The following CPEB3 variants were observed in gnomAD, a reference collection of about 807,000 sequenced individuals.
The protein encoded by CPEB3 is cytoplasmic polyadenylation element binding protein 3, also known as cytoplasmic polyadenylation element-binding protein 3.
In CPEB3, 20 loss-of-function variants were observed where a neutral mutation model predicts 67.2. The observed-to-expected ratio is 0.30, with a 90% CI of 0.21 to 0.43. The LOEUF is 0.43. Among genes scored for constraint, CPEB3 ranks in the 20% least tolerant of loss-of-function variants. CPEB3 has a pLI of 1.00. For missense variants in CPEB3, 746 were observed against 968.6 expected, an observed-to-expected ratio of 0.77 and a Z score of 3.05; for synonymous variants, 376 against 393.1, an observed-to-expected ratio of 0.96 and a Z score of 0.51.
intron 6 of CPEB3, among the ~76,000 whole-genome samples, chr10:92,120,836 G>T (rs1375588185): frequency 6.6e-6 from 1 of 151,908 alleles, no homozygotes; most frequent in Non-Finnish European, 1.5e-5. Context: ...AAGTAGCTGG[G>T]ATTACAGGCA....
intron 6 of CPEB3, among the ~76,000 whole-genome samples, chr10:92,140,397 T>C (rs1167424204): frequency 6.6e-6 from 1 of 152,168 alleles, no homozygotes; most frequent in Non-Finnish European, 1.5e-5. Context: ...CCCTATTTAA[T>C]AAATGGTGCT....
chr10:92,276,749 T>C (rs1842007093), intron 1 of CPEB3, among the ~76,000 whole-genome samples: 1 of 152,238 alleles, frequency 6.6e-6, no homozygotes, highest in Non-Finnish European at 1.5e-5. Flanking sequence ...GTTTAACATT[T>C]TGAGAAAATG....
intron 7 of CPEB3, among the ~76,000 whole-genome samples, chr10:92,105,638 T>A (rs1250456553): frequency 6.6e-6 from 1 of 152,270 alleles, no homozygotes. Context: ...TTTATCTTTG[T>A]TACTTTGGCA....
Position 92,048,381 on chromosome 10 carries a change from T to TCA in CPEB3, c.*3830_*3831insTG, listed in dbSNP as rs762713507. On this transcript the variant is annotated 3_prime_UTR_variant, in exon 10 of 10. Coordinates refer to ENST00000265997, the MANE Select transcript of CPEB3 (RefSeq NM_014912.5). The surrounding 1 kb of genome is among the most constrained non-coding windows in gnomAD (Gnocchi z 4.1). ...CAGTTTTTCTCTCTCTCTCTCTCTCTCTCTCTCACACACACACACACACAC... is the reference window on the plus strand; with the variant it reads ...CAGTTTTTCTCTCTCTCTCTCTCTCTCACTCTCTCACACACACACACACACAC... The TCA allele has an allele frequency of 5.7e-3, 103 of 18,102 alleles. No individual in the cohort carries two copies. Among genetic ancestry groups the TCA allele is most frequent in the East Asian group, 0.021 (14 of 668 alleles). The allele number at this position is 18,102 out of a possible 1,614,324, so 1.1% of individuals were successfully genotyped here.
At chr10:92,288,741 A>G (rs1412472507) in intron 1 of CPEB3, among the ~76,000 whole-genome samples, 1 of 152,206 alleles carries the variant, frequency 6.6e-6, no homozygotes, top group East Asian at 1.9e-4. Flanking sequence ...CATATTTTCC[A>G]ATTTCAGTTG....
chr10:92,138,906 T>G (rs1349767331), intron 6 of CPEB3, among the ~76,000 whole-genome samples: 1 of 152,240 alleles, frequency 6.6e-6, no homozygotes, highest in Admixed American at 6.5e-5. Context: ...ACTCCCATGT[T>G]TGTTGCAGCA....
At chr10:92,276,020 T>C (rs2135029279) in intron 1 of CPEB3, among the ~76,000 whole-genome samples, 1 of 151,584 alleles carries the variant, frequency 6.6e-6, no homozygotes, top group Admixed American at 6.6e-5. Flanking sequence ...GCCTAATTTT[T>C]TGTATTTTTA....
At chr10:92,199,995 C>T (rs1222475177) in intron 2 of CPEB3, among the ~76,000 whole-genome samples, 1 of 152,036 alleles carries the variant, frequency 6.6e-6, no homozygotes, top group East Asian at 1.9e-4. Context: ...ATATTTTACC[C>T]ATCCCAAATG....
chr10:92,232,653 G>A (rs1435496327), intron 2 of CPEB3, among the ~76,000 whole-genome samples: 3 of 151,716 alleles, frequency 2.0e-5, no homozygotes, highest in Middle Eastern at 3.2e-3. Context: ...AGCTACTCGG[G>A]AAGCTGAGGC....
intron 1 of CPEB3, among the ~76,000 whole-genome samples, chr10:92,260,465 C>T (rs1450801115): frequency 6.7e-6 from 1 of 150,264 alleles, no homozygotes; most frequent in Non-Finnish European, 1.5e-5. Flanking sequence ...ACAGGAGAAT[C>T]ACTTGAACCC....
At chr10:92,212,257 GCAACAAGACAGTGGTA>G (rs1253426729) in intron 2 of CPEB3, among the ~76,000 whole-genome samples, 1 of 149,276 alleles carries the variant, frequency 6.7e-6, no homozygotes, top group Non-Finnish European at 1.5e-5. Context: ...TGTTGCCCAG[GCAACAAGACAGTGGTA>G]CAACAAGACA....
chr10:92,160,135 T>C (rs1473820569), intron 4 of CPEB3, among the ~76,000 whole-genome samples: 1 of 152,042 alleles, frequency 6.6e-6, no homozygotes, highest in African/African-American at 2.4e-5. Flanking sequence ...TTAGTAGAGA[T>C]GGAGTTTTGC....
In CPEB3 at chr10:92,239,020, G is replaced by A. The variant is rs1851678323; in HGVS notation, c.1005+326C>T. Among the ~76,000 whole-genome samples, 1 of 152,222 alleles carries A rather than the reference G, an allele frequency of 6.6e-6. No homozygotes were observed. Among genetic ancestry groups the A allele is most frequent in the Middle Eastern group, 3.4e-3 (1 of 294 alleles). On this transcript the variant is annotated intron_variant, in intron 2 of 9. Coordinates refer to ENST00000265997, the MANE Select transcript of CPEB3 (RefSeq NM_014912.5). The surrounding 1 kb of genome is among the most constrained non-coding windows in gnomAD (Gnocchi z 6.0). ...GCCTACTCATCCTGGGACTATGCCG[G>A]CACCTTGCCACACACTTGCAGCTTT...
At chr10:92,182,624 G>C (rs773859751) in intron 3 of CPEB3, among the ~76,000 whole-genome samples, 80 of 152,216 alleles carry the variant, frequency 5.3e-4, no homozygotes, top group Admixed American at 1.1e-3. Flanking sequence ...TCATGAGTTA[G>C]AGACCAGCCT....
At chr10:92,137,489 C>T in intron 6 of CPEB3, 1 of 1,097,880 alleles carries the variant, frequency 9.1e-7, no homozygotes, top group South Asian at 1.4e-5. Flanking sequence ...GTTTTGCTAT[C>T]AGCCACAAGG....
At chr10:92,266,755 T>C (rs1188718344) in intron 1 of CPEB3, among the ~76,000 whole-genome samples, 1 of 152,096 alleles carries the variant, frequency 6.6e-6, no homozygotes, top group Non-Finnish European at 1.5e-5. Flanking sequence ...TGGTCATGGC[T>C]GGGCACGGTG....
intron 6 of CPEB3, among the ~76,000 whole-genome samples, chr10:92,123,027 T>C (rs551168593): frequency 1.8e-4 from 27 of 152,176 alleles, no homozygotes; most frequent in Non-Finnish European, 3.2e-4. Flanking sequence ...CCAACTTTCT[T>C]TGTGGGTTGG....
At chr10:92,216,594 T>C (rs1002205765) in intron 2 of CPEB3, 2 of 1,610,526 alleles carry the variant, frequency 1.2e-6, no homozygotes, top group South Asian at 1.1e-5. Context: ...ACACTGCCCA[T>C]TGAGGTATAC....
chr10:92,102,528 A>C (rs1409874066), intron 7 of CPEB3, among the ~76,000 whole-genome samples: 1 of 152,208 alleles, frequency 6.6e-6, no homozygotes, highest in Non-Finnish European at 1.5e-5. Context: ...TATCTGATGC[A>C]AGGAAGCTAC....
Sources: allele counts gnomAD v4.1 joint callset (sites outside exome capture counted in the v4.1 genomes callset), GRCh38; gene constraint gnomAD v4.1.1; non-coding constraint Gnocchi (gnomAD v3.1); transcripts MANE v1.5; gene names NCBI Gene and HGNC (gene_info 2026-07-23, HGNC 2026-07-21).